The following ENPP3 variants were observed in gnomAD, a reference collection of about 807,000 sequenced individuals.
ENPP3 encodes the protein ectonucleotide pyrophosphatase/phosphodiesterase family member 3.
ENPP3 carries 104 observed loss-of-function variants against 117.8 expected under a neutral mutation model. The ratio of observed to expected loss-of-function variants is 0.88; its 90% CI spans 0.75 to 1.04. The LOEUF is 1.04. Among genes scored for constraint, ENPP3 ranks in the 50% least tolerant of loss-of-function variants. The pLI, the probability that ENPP3 is intolerant of heterozygous loss-of-function variation, is 0.00. For missense variants in ENPP3, 1,026 were observed against 1,051.9 expected, an observed-to-expected ratio of 0.98 and a Z score of 0.34; for synonymous variants, 380 against 349.9, an observed-to-expected ratio of 1.09 and a Z score of -0.96.
intron 2 of ENPP3, 97 bp from the exon 3 acceptor site, chr6:131,649,930 T>C (rs1778226697): frequency 3.1e-6 from 4 of 1,276,454 alleles, no homozygotes; most frequent in South Asian, 2.6e-5. Context: ...TTGTCTGTCA[T>C]AGTCTGTGCT....
At chr6:131,672,068 G>A (rs930739349) in intron 7 of ENPP3, among the ~76,000 whole-genome samples, 3 of 151,910 alleles carry the variant, frequency 2.0e-5, no homozygotes, top group African/African-American at 7.3e-5. Flanking sequence ...TGTATTTGTG[G>A]GTTTGCTTAC....
intron 20 of ENPP3, among the ~76,000 whole-genome samples, chr6:131,727,846 G>A (rs1317072043): frequency 6.6e-6 from 1 of 152,144 alleles, no homozygotes; most frequent in East Asian, 1.9e-4. Context: ...CAAACTTATA[G>A]CTATTAATGT....
chr6:131,677,711 G>A (rs1376141109), intron 10 of ENPP3, among the ~76,000 whole-genome samples, 157 bp from the exon 11 acceptor site: 1 of 152,136 alleles, frequency 6.6e-6, no homozygotes, highest in Non-Finnish European at 1.5e-5. Flanking sequence ...TATCCTTGCT[G>A]GAGCCAAGTA....
intron 6 of ENPP3, among the ~76,000 whole-genome samples, chr6:131,665,211 T>C (rs887405043): frequency 6.6e-6 from 1 of 152,198 alleles, no homozygotes; most frequent in African/African-American, 2.4e-5. Context: ...CCTGAAATTA[T>C]ATTTTATTGT....
At chr6:131,726,314 C>G in intron 20 of ENPP3, 114 bp downstream of exon 20, 1 of 880,446 alleles carries the variant, frequency 1.1e-6, no homozygotes, top group Non-Finnish European at 1.8e-6. Flanking sequence ...AACTCACTGG[C>G]CTGTAGCTTG....
chr6:131,652,767 A>G, intron 4 of ENPP3, 64 bp from the exon 5 acceptor site: 4 of 1,590,004 alleles, frequency 2.5e-6, no homozygotes, highest in Non-Finnish European at 3.5e-6. Flanking sequence ...AACACATCGG[A>G]GAATCTTTAG....
At chr6:131,729,593 A>T (rs1274101479) in intron 20 of ENPP3, among the ~76,000 whole-genome samples, 1 of 152,214 alleles carries the variant, frequency 6.6e-6, no homozygotes, top group Non-Finnish European at 1.5e-5. Flanking sequence ...TGCTTCAAAA[A>T]TTCCAGGGAA....
intron 21 of ENPP3, among the ~76,000 whole-genome samples, chr6:131,735,282 T>G (rs1368096339): frequency 6.6e-6 from 1 of 152,230 alleles, no homozygotes; most frequent in African/African-American, 2.4e-5. Flanking sequence ...ACGTTCTTAT[T>G]TTCCTCTAAA....
intron 15 of ENPP3, among the ~76,000 whole-genome samples, chr6:131,716,495 G>A (rs1302652304): frequency 2.0e-5 from 3 of 151,420 alleles, no homozygotes; most frequent in African/African-American, 4.9e-5. Flanking sequence ...ACCATAGTAC[G>A]AGCATTAGAA....
At chr6:131,742,696 A>G (rs1289115462) in intron 24 of ENPP3, among the ~76,000 whole-genome samples, 1 of 129,610 alleles carries the variant, frequency 7.7e-6, no homozygotes. Flanking sequence ...AGTTGACCTT[A>G]CAGGCTATAA....
chr6:131,648,436 TAG>T (rs1345456491), intron 2 of ENPP3, among the ~76,000 whole-genome samples: 1 of 152,086 alleles, frequency 6.6e-6, no homozygotes, highest in Non-Finnish European at 1.5e-5. Context: ...TTACCCTATA[TAG>T]CTGGCCAGTT....
intron 2 of ENPP3, among the ~76,000 whole-genome samples, chr6:131,647,586 C>T (rs987675070): frequency 3.3e-5 from 5 of 152,120 alleles, no homozygotes; most frequent in African/African-American, 9.7e-5. Context: ...CATCATCCCA[C>T]TCTATCAATT....
At chr6:131,723,825 T>TCA (rs780029112) in intron 18 of ENPP3, among the ~76,000 whole-genome samples, 3 of 140,778 alleles carry the variant, frequency 2.1e-5, no homozygotes, top group Non-Finnish European at 3.0e-5. Flanking sequence ...TCTCTCTCTC[T>TCA]CTCACACACA....
chr6:131,669,822 G>A (rs754303026), intron 6 of ENPP3, among the ~76,000 whole-genome samples: 7 of 152,176 alleles, frequency 4.6e-5, no homozygotes, highest in Non-Finnish European at 8.8e-5. Flanking sequence ...TCAGAGGCTG[G>A]GAAGGAGACC....
chr6:131,716,501 T>C (rs1779890731), intron 15 of ENPP3, among the ~76,000 whole-genome samples: 1 of 151,756 alleles, frequency 6.6e-6, no homozygotes, highest in South Asian at 2.1e-4. Context: ...GTACGAGCAT[T>C]AGAAAATTTA....
intron 11 of ENPP3, among the ~76,000 whole-genome samples, chr6:131,680,351 A>G (rs1289626810): frequency 1.3e-5 from 2 of 152,188 alleles, no homozygotes; most frequent in Non-Finnish European, 2.9e-5. Flanking sequence ...ATTTATATTA[A>G]TAAGACTGCT....
At chr6:131,652,703 A>G (rs1017477083) in intron 4 of ENPP3, 36 bp downstream of exon 4, 3 of 1,613,004 alleles carry the variant, frequency 1.9e-6, no homozygotes, top group African/African-American at 2.7e-5. Flanking sequence ...TGCCCCTGCG[A>G]GTTTAGAGGA....
chr6:131,740,436 G>C, intron 24 of ENPP3, 56 bp downstream of exon 24: 2 of 1,347,754 alleles, frequency 1.5e-6, no homozygotes, highest in South Asian at 1.9e-5. Flanking sequence ...AGCTCATTTG[G>C]GTTCTCATAA....
chr6:131,692,800 T>G (rs1431961076), intron 14 of ENPP3, among the ~76,000 whole-genome samples: 2 of 143,832 alleles, frequency 1.4e-5, no homozygotes, highest in East Asian at 2.0e-4. Context: ...AATATGTAGT[T>G]ATATATGATA....
Sources: allele counts gnomAD v4.1 joint callset (sites outside exome capture counted in the v4.1 genomes callset), GRCh38; gene constraint gnomAD v4.1.1; transcripts MANE v1.5; gene names NCBI Gene and HGNC (gene_info 2026-07-23, HGNC 2026-07-21).